SLC35F3: variants seen among roughly 807,000 people sequenced by gnomAD.
The protein encoded by SLC35F3 is putative thiamine transporter SLC35F3.
Under a neutral mutation model 49.9 loss-of-function variants are expected in SLC35F3, and 25 were observed. The ratio of observed to expected loss-of-function variants is 0.50; its 90% CI spans 0.37 to 0.70. The LOEUF is 0.70. Ranked by LOEUF, SLC35F3 falls within the 30% of genes least tolerant of loss-of-function variation. The probability of loss-of-function intolerance (pLI) is 0.00; values close to 1 mark genes in which losing one functional copy is unlikely to be tolerated. For synonymous variants in SLC35F3, 275 were observed against 265.4 expected (o/e 1.04, Z -0.35); for missense variants, 525 against 639.8 (o/e 0.82, Z 1.94).
At chr1:234,016,271 C>T (rs1255208701) in intron 2 of SLC35F3, among the ~76,000 whole-genome samples, 1 of 152,116 alleles carries the variant, frequency 6.6e-6, no homozygotes, top group South Asian at 2.1e-4. Context: ...ATAGAATTAC[C>T]AGCAATCTCA....
intron 3 of SLC35F3, among the ~76,000 whole-genome samples, chr1:234,262,168 G>A (rs1667914872): frequency 6.6e-6 from 1 of 152,206 alleles, no homozygotes; most frequent in Non-Finnish European, 1.5e-5. Context: ...CTACAAAGGG[G>A]AGGGAGTTAC....
chr1:234,025,155 C>G (rs1340299440), intron 2 of SLC35F3, among the ~76,000 whole-genome samples: 1 of 152,202 alleles, frequency 6.6e-6, no homozygotes, highest in Non-Finnish European at 1.5e-5. Context: ...TGATTTTGTT[C>G]TTTTTTTGGC....
At chr1:234,237,211 C>T (rs949433505) in intron 3 of SLC35F3, among the ~76,000 whole-genome samples, 4 of 151,890 alleles carry the variant, frequency 2.6e-5, no homozygotes, top group Admixed American at 6.6e-5. Flanking sequence ...CTACAGCATA[C>T]GGTCCCATTT....
chr1:234,135,803 G>A (rs1665801593), intron 2 of SLC35F3, among the ~76,000 whole-genome samples: 1 of 152,222 alleles, frequency 6.6e-6, no homozygotes, highest in African/African-American at 2.4e-5. Context: ...ATATTATTGA[G>A]GCAAATAGTT....
At chr1:234,221,800 C>T (rs1667210254) in intron 2 of SLC35F3, among the ~76,000 whole-genome samples, 1 of 152,162 alleles carries the variant, frequency 6.6e-6, no homozygotes, top group South Asian at 2.1e-4. Context: ...GGACATGTCG[C>T]CTGGCCTCTT....
chr1:233,973,195 G>A lies in SLC35F3; in HGVS notation c.283+67437G>A, dbSNP rs1341458862. 5.3e-5 allele frequency among the ~76,000 whole-genome samples: 8 copies of A among 152,182 alleles called. No individual in the cohort carries two copies. In the South Asian group the frequency reaches 1.4e-3, roughly 28 times the overall value. On this transcript the variant is annotated intron_variant, in intron 2 of 7. Transcript: ENST00000366618. ...GTAGAGTCGAGAATAATATATTTTG[G>A]TGCTGAAATCTAGGGTCTGTGAGAG...
intron 4 of SLC35F3, 40 bp downstream of exon 4, chr1:234,309,360 A>G: frequency 1.3e-6 from 2 of 1,588,244 alleles, no homozygotes; most frequent in Non-Finnish European, 1.7e-6. Flanking sequence ...TCACTCAGTC[A>G]TGTCAACCAA....
intron 2 of SLC35F3, among the ~76,000 whole-genome samples, chr1:234,080,946 A>T (rs1344459889): frequency 2.6e-5 from 4 of 152,240 alleles, no homozygotes; most frequent in African/African-American, 9.6e-5. Context: ...ATTGCAAAAA[A>T]AACCCTTCAA....
chr1:233,939,497 G>A (rs1205126160), intron 2 of SLC35F3, among the ~76,000 whole-genome samples: 5 of 152,146 alleles, frequency 3.3e-5, no homozygotes, highest in African/African-American at 1.2e-4. Context: ...GTAAAGAAGA[G>A]GCTAAATCTC....
At chr1:234,125,472 C>G (rs1481779769) in intron 2 of SLC35F3, among the ~76,000 whole-genome samples, 2 of 152,156 alleles carry the variant, frequency 1.3e-5, no homozygotes, top group African/African-American at 4.8e-5. Context: ...ACTCCTCCCC[C>G]AGGAGGCGCT....
At chr1:233,934,302 C>G (rs999764120) in intron 2 of SLC35F3, among the ~76,000 whole-genome samples, 8 of 152,136 alleles carry the variant, frequency 5.3e-5, no homozygotes, top group African/African-American at 1.9e-4. Context: ...AAGACACTTC[C>G]CCACTTTCTA....
intron 2 of SLC35F3, among the ~76,000 whole-genome samples, chr1:234,221,395 G>A (rs188064419): frequency 1.3e-5 from 2 of 152,276 alleles, no homozygotes; most frequent in Admixed American, 1.3e-4. Flanking sequence ...AGCATACCGG[G>A]GAGGAAGCAC....
chr1:234,186,110 G>A (rs998930632), intron 2 of SLC35F3, among the ~76,000 whole-genome samples: 5 of 152,286 alleles, frequency 3.3e-5, no homozygotes, highest in East Asian at 1.9e-4. Flanking sequence ...CAGCTGCAGC[G>A]AATGTTCTTA....
At chr1:234,101,812 A>C (rs1162006255) in intron 2 of SLC35F3, among the ~76,000 whole-genome samples, 2 of 152,224 alleles carry the variant, frequency 1.3e-5, no homozygotes, top group African/African-American at 4.8e-5. Context: ...AGTGGCTAGG[A>C]GAGAAGATAA....
intron 2 of SLC35F3, among the ~76,000 whole-genome samples, chr1:234,042,536 T>C (rs1396121926): frequency 1.3e-5 from 2 of 152,210 alleles, no homozygotes. Flanking sequence ...TTTTTTCTTT[T>C]GTTTTTTTCA....
Position 234,146,649 on chromosome 1 carries a change from G to C in SLC35F3, c.284-84768G>C, listed in dbSNP as rs570617899. 6.0e-3 allele frequency among the ~76,000 whole-genome samples: 908 copies of C among 150,998 alleles called. 4 individuals are homozygous for C. The highest frequency in any genetic ancestry group is 9.4e-3 in the Non-Finnish European group (638 of 67,936). ...CCTGCCTCAGCCTCCCAAGTAGCTGGGATTACAGGCATGTGCCACCACGCC... is the reference window on the plus strand; with the variant it reads ...CCTGCCTCAGCCTCCCAAGTAGCTGCGATTACAGGCATGTGCCACCACGCC... On this transcript the variant is annotated intron_variant, in intron 2 of 7. Transcript: ENST00000366618.
At chr1:233,921,704 C>T (rs1662063321) in intron 2 of SLC35F3, among the ~76,000 whole-genome samples, 1 of 152,018 alleles carries the variant, frequency 6.6e-6, no homozygotes, top group African/African-American at 2.4e-5. Flanking sequence ...GCACAACGTG[C>T]AGGTATGTTA....
intron 2 of SLC35F3, among the ~76,000 whole-genome samples, chr1:234,059,424 T>A (rs1664505834): frequency 6.6e-6 from 1 of 152,188 alleles, no homozygotes; most frequent in African/African-American, 2.4e-5. Context: ...CTTTGGTTTC[T>A]TCTTTAATCC....
intron 2 of SLC35F3, among the ~76,000 whole-genome samples, chr1:233,948,230 A>AGG (rs986021904): frequency 2.2e-5 from 3 of 134,890 alleles, no homozygotes; most frequent in Non-Finnish European, 4.6e-5. Context: ...GGAGAGAGGG[A>AGG]GAGAGAGAGA....
Sources: allele counts gnomAD v4.1 joint callset (sites outside exome capture counted in the v4.1 genomes callset), GRCh38; gene constraint gnomAD v4.1.1; transcripts MANE v1.5; gene names NCBI Gene and HGNC (gene_info 2026-07-23, HGNC 2026-07-21).